SEMA6D: variants seen among roughly 807,000 people sequenced by gnomAD.
The protein encoded by SEMA6D is semaphorin 6D.
SEMA6D carries 35 observed loss-of-function variants against 106.6 expected under a neutral mutation model. That is an observed-to-expected ratio of 0.33 (90% CI 0.25 to 0.44). The LOEUF is 0.44. Among genes scored for constraint, SEMA6D ranks in the 20% least tolerant of loss-of-function variants. The pLI is 1.00. For missense variants in SEMA6D, 1,185 were observed against 1,345.9 expected (o/e 0.88, Z 1.87); for synonymous variants, 499 against 487.7 (o/e 1.02, Z -0.31).
At chr15:47,585,990 A>T (rs1425524163) in intron 3 of SEMA6D, among the ~76,000 whole-genome samples, 2 of 152,204 alleles carry the variant, frequency 1.3e-5, no homozygotes, top group Non-Finnish European at 2.9e-5. Flanking sequence ...TTTGTTCAAG[A>T]TTACATTCCT....
intron 3 of SEMA6D, among the ~76,000 whole-genome samples, chr15:47,509,517 G>T (rs1204775096): frequency 6.6e-6 from 1 of 151,928 alleles, no homozygotes; most frequent in African/African-American, 2.4e-5. Flanking sequence ...AATAATCCAG[G>T]CTCCCTGCCA....
chr15:47,259,464 C>CTTTT (rs59400435), intron 1 of SEMA6D, among the ~76,000 whole-genome samples: 1 of 144,638 alleles, frequency 6.9e-6, no homozygotes. Flanking sequence ...GTTGAGAGTT[C>CTTTT]TTTTTTTTTT....
chr15:47,684,284 C>T (rs2078424160), intron 4 of SEMA6D, among the ~76,000 whole-genome samples: 1 of 151,980 alleles, frequency 6.6e-6, no homozygotes, highest in South Asian at 2.1e-4. Flanking sequence ...AAATTAACAA[C>T]AATAATAGCA....
chr15:47,224,079 G>A (rs1259827492), intron 1 of SEMA6D, among the ~76,000 whole-genome samples: 2 of 151,642 alleles, frequency 1.3e-5, no homozygotes, highest in Non-Finnish European at 2.9e-5. Context: ...AGTGGGTGCA[G>A]CGCACCAGCA....
rs141710695 is a variant in SEMA6D, at chr15:47,732,395, G to A, written c.-55+14703G>A. 5.9e-3 allele frequency among the ~76,000 whole-genome samples: 891 copies of A among 152,210 alleles called. 10 individuals are homozygous for A. Among genetic ancestry groups the A allele is most frequent in the African/African-American group, 0.02 (814 of 41,530 alleles). ...TCCTAGTAGGACTGGTACATTCAAG[G>A]TGAGAATCCAACAGATCAAGAGACA... On this transcript the variant is annotated intron_variant, in intron 1 of 18. Coordinates refer to ENST00000536845, the MANE Select transcript of SEMA6D (RefSeq NM_001358351.3).
At chr15:47,642,139 T>C (rs532084064) in intron 4 of SEMA6D, among the ~76,000 whole-genome samples, 2 of 152,316 alleles carry the variant, frequency 1.3e-5, no homozygotes, top group South Asian at 4.1e-4. Context: ...CTTTCTGTAG[T>C]TTAGAGACAA....
At chr15:47,668,875 T>A (rs960605859) in intron 4 of SEMA6D, among the ~76,000 whole-genome samples, 1 of 152,170 alleles carries the variant, frequency 6.6e-6, no homozygotes, top group Non-Finnish European at 1.5e-5. Context: ...CCTCAGCCCT[T>A]GTGTACTGGC....
chr15:47,471,981 GAGAA>G (rs754396288), intron 3 of SEMA6D, among the ~76,000 whole-genome samples: 63 of 146,984 alleles, frequency 4.3e-4, no homozygotes, highest in Admixed American at 2.6e-3. Context: ...ACACGAAAAA[GAGAA>G]AGAGAGAGAG....
At chr15:47,358,374 C>T (rs1024459241) in intron 1 of SEMA6D, among the ~76,000 whole-genome samples, 1 of 152,170 alleles carries the variant, frequency 6.6e-6, no homozygotes, top group Non-Finnish European at 1.5e-5. Flanking sequence ...ACTTTGGTGC[C>T]TCCTTCCCAA....
intron 1 of SEMA6D, among the ~76,000 whole-genome samples, chr15:47,735,066 A>G (rs1260494732): frequency 6.6e-6 from 1 of 152,212 alleles, no homozygotes; most frequent in Non-Finnish European, 1.5e-5. Flanking sequence ...AAAAAAATCT[A>G]TAGCCAAGAC....
At chr15:47,461,378 C>G (rs1004420170) in intron 2 of SEMA6D, among the ~76,000 whole-genome samples, 3 of 151,988 alleles carry the variant, frequency 2.0e-5, no homozygotes, top group Non-Finnish European at 4.4e-5. Flanking sequence ...CATAAATACA[C>G]AGACCTTGTG....
At chr15:47,373,526 T>G (rs945131232) in intron 1 of SEMA6D, among the ~76,000 whole-genome samples, 1 of 152,104 alleles carries the variant, frequency 6.6e-6, no homozygotes, top group African/African-American at 2.4e-5. Context: ...AAAGGGCCTT[T>G]GTAGAGGATG....
chr15:47,210,581 A>G (rs931026421), intron 1 of SEMA6D, among the ~76,000 whole-genome samples: 3 of 151,984 alleles, frequency 2.0e-5, no homozygotes, highest in Non-Finnish European at 2.9e-5. Context: ...CCTGGCCAAC[A>G]TAGTGAAACC....
intron 1 of SEMA6D, among the ~76,000 whole-genome samples, chr15:47,741,458 T>C (rs2080809682): frequency 1.3e-5 from 2 of 152,226 alleles, no homozygotes; most frequent in African/African-American, 4.8e-5. Flanking sequence ...GGCTCACGCC[T>C]GTAATCCCAA....
chr15:47,460,885 A>G (rs1034132625), intron 2 of SEMA6D, among the ~76,000 whole-genome samples: 2 of 152,070 alleles, frequency 1.3e-5, no homozygotes, highest in African/African-American at 4.8e-5. Flanking sequence ...TCAACTAACT[A>G]TGCCTTGATC....
chr15:47,612,931 A>G (rs1418561073), intron 4 of SEMA6D, among the ~76,000 whole-genome samples: 1 of 152,194 alleles, frequency 6.6e-6, no homozygotes, highest in Non-Finnish European at 1.5e-5. Flanking sequence ...AACAATGCTA[A>G]TGTAGAATTT....
At chr15:47,266,147 C>T (rs2034306397) in intron 1 of SEMA6D, among the ~76,000 whole-genome samples, 1 of 152,128 alleles carries the variant, frequency 6.6e-6, no homozygotes, top group African/African-American at 2.4e-5. Context: ...CCCATTCTGA[C>T]AATCTGCTCC....
intron 1 of SEMA6D, among the ~76,000 whole-genome samples, chr15:47,731,560 T>C (rs1247162272): frequency 1.3e-5 from 2 of 152,212 alleles, no homozygotes; most frequent in East Asian, 3.9e-4. Flanking sequence ...CTAATGCAGA[T>C]GTCACCTGAA....
At chr15:47,300,575 C>G (rs745312713) in intron 1 of SEMA6D, among the ~76,000 whole-genome samples, 2 of 152,034 alleles carry the variant, frequency 1.3e-5, no homozygotes, top group Non-Finnish European at 2.9e-5. Flanking sequence ...CTTTTTTTAA[C>G]AGAACAGACA....
Sources: allele counts gnomAD v4.1 joint callset (sites outside exome capture counted in the v4.1 genomes callset), GRCh38; gene constraint gnomAD v4.1.1; transcripts MANE v1.5; gene names NCBI Gene and HGNC (gene_info 2026-07-23, HGNC 2026-07-21).